The following POLG2 variants were observed in gnomAD, a reference collection of about 807,000 sequenced individuals.
POLG2 encodes DNA polymerase subunit gamma-2.
In POLG2, 50 loss-of-function variants were observed where a neutral mutation model predicts 56.5. The ratio of observed to expected loss-of-function variants is 0.88; its 90% CI spans 0.71 to 1.12. The LOEUF is 1.12. POLG2 is among the 50% of genes most tolerant of loss of function. POLG2 has a pLI of 0.00. For synonymous variants in POLG2, 226 were observed against 222.6 expected (o/e 1.02, Z -0.14); for missense variants, 584 against 583.3 (o/e 1.00, Z -0.01).
chr17:64,493,782 G>A (rs1441045933), intron 1 of POLG2, among the ~76,000 whole-genome samples: 7 of 152,166 alleles, frequency 4.6e-5, no homozygotes, highest in Middle Eastern at 3.4e-3. Context: ...CACCGCGCCC[G>A]ACAAAGATTT....
chr17:64,482,911 T>A lies in POLG2; in HGVS notation c.1191+8A>T, dbSNP rs1598121901. The A allele has an allele frequency of 6.8e-7, 1 of 1,476,582 alleles. No homozygotes were observed. Among genetic ancestry groups the A allele is most frequent in the Non-Finnish European group, 9.5e-7 (1 of 1,055,676 alleles). 91.5% of individuals were successfully genotyped at this position (1,476,582 alleles called of 1,614,324 possible). A position where few individuals can be genotyped will look rare whatever the true frequency, so the allele number is the denominator to read the frequency against. Reference sequence around the variant, plus strand: ...AATTAAAATGACATTTAAACTCATTTAACTCACCTGTCTTAGTTCCAATGT... The same window carrying A: ...AATTAAAATGACATTTAAACTCATTAAACTCACCTGTCTTAGTTCCAATGT... On this transcript the variant is annotated splice_region_variant and intron_variant, in intron 6 of 7. Coordinates refer to ENST00000539111, the MANE Select transcript of POLG2 (RefSeq NM_007215.4).
At chr17:64,493,757 AT>A (rs547261048) in intron 1 of POLG2, among the ~76,000 whole-genome samples, 35 of 152,316 alleles carry the variant, frequency 2.3e-4, no homozygotes, top group African/African-American at 8.2e-4. Context: ...AAGTGCTGGG[AT>A]TACAGGCGTG....
At chr17:64,494,321 G>A (rs550645305) in intron 1 of POLG2, among the ~76,000 whole-genome samples, 1 of 152,220 alleles carries the variant, frequency 6.6e-6, no homozygotes, top group East Asian at 1.9e-4. Flanking sequence ...CATAACATGA[G>A]GAACATGTTA....
intron 3 of POLG2, among the ~76,000 whole-genome samples, chr17:64,492,074 A>C (rs2038070827): frequency 6.6e-6 from 1 of 152,204 alleles, no homozygotes; most frequent in Non-Finnish European, 1.5e-5. Context: ...CCAGACTTTT[A>C]TGGCCAATGA....
At position 64,477,933 on chromosome 17, in the gene POLG2, T is replaced by G. The variant is rs1325161119; in HGVS notation, c.1348A>C (p.Asn450His). 3 of 1,613,894 alleles carry G rather than the reference T, an allele frequency of 1.9e-6. No individual in the cohort carries two copies. The highest frequency in any genetic ancestry group is 2.5e-6 in the Non-Finnish European group (3 of 1,179,978). The change falls in exon 8 of 8, where the codon AAT (asparagine) becomes CAT (histidine). Residue 450 changes from asparagine (N) to histidine (H), a missense_variant. Physicochemically the swap from Asn to His is moderately conservative, Grantham distance 68. Transcript: ENST00000539111. Reference protein sequence around the residue: ...TVLVTETTLENGLIHLRSRDT... With the variant: ...TVLVTETTLEHGLIHLRSRDT... The stretch of plus-strand genomic sequence containing the variant: ...CTGCTTCTCAGATGTATTAATCCAT[T>G]CTCCAAAGTAGTTTCAGTAACCAAA...
In POLG2 at chr17:64,496,638, C is replaced by T; in HGVS notation, c.331G>A (p.Ala111Thr). 8 of 1,614,010 alleles carry T rather than the reference C, an allele frequency of 5.0e-6. No individual in the cohort carries two copies. Among genetic ancestry groups the T allele is most frequent in the Non-Finnish European group, 5.9e-6 (7 of 1,179,984 alleles). The change falls in exon 1 of 8, where the codon GCC (alanine) becomes ACC (threonine). Residue 111 changes from alanine to threonine, a missense_variant. Ala to Thr is a moderately conservative substitution (Grantham distance 58). Coordinates refer to ENST00000539111, the MANE Select transcript of POLG2 (RefSeq NM_007215.4). ...PLGVELRKNL[A>T]AEWWTSVVVF... ...ACCACCGAGGTCCACCATTCTGCGG[C>T]CAGGTTCTTCCGCAACTCTACGCCC...
intron 6 of POLG2, 59 bp from the exon 7 acceptor site, chr17:64,480,448 T>C (rs949878605): frequency 1.2e-6 from 1 of 842,250 alleles, no homozygotes; most frequent in Non-Finnish European, 2.0e-6. Context: ...AGAGTGATTA[T>C]TCTATTTTTG....
In POLG2 at chr17:64,477,815, A is replaced by G; in HGVS notation, c.*8T>C. Reference sequence around the variant, plus strand: ...AGAGAAGAATATTTATTATACAAATATAAAAATCTATACATTCTTAGCTGA... The same window carrying G: ...AGAGAAGAATATTTATTATACAAATGTAAAAATCTATACATTCTTAGCTGA... On this transcript the variant is annotated 3_prime_UTR_variant, in exon 8 of 8. Coordinates refer to ENST00000539111, the MANE Select transcript of POLG2 (RefSeq NM_007215.4). 1 of 1,561,118 alleles carries G rather than the reference A, an allele frequency of 6.4e-7. No homozygotes were observed. The highest frequency in any genetic ancestry group is 8.6e-7 in the Non-Finnish European group (1 of 1,156,852).
intron 4 of POLG2, among the ~76,000 whole-genome samples, chr17:64,489,018 TTTTC>T (rs1457046990): frequency 6.6e-6 from 1 of 151,024 alleles, no homozygotes; most frequent in Non-Finnish European, 1.5e-5. Flanking sequence ...GCTATATATT[TTTTC>T]TTTTTCTTTT....
At chr17:64,491,471 C>T (rs1342465203) in intron 3 of POLG2, 79 of 1,123,964 alleles carry the variant, frequency 7.0e-5, no homozygotes, top group Middle Eastern at 3.1e-4. Flanking sequence ...GATTGTGCAA[C>T]GGCAGTCCAG....
At chr17:64,489,271 A>G (rs183279799) in intron 4 of POLG2, among the ~76,000 whole-genome samples, 91 of 151,792 alleles carry the variant, frequency 6.0e-4, no homozygotes, top group Non-Finnish European at 9.9e-4. Flanking sequence ...GTGAAATACC[A>G]ATTTAAAAAA....
intron 5 of POLG2, among the ~76,000 whole-genome samples, chr17:64,483,419 G>T (rs1258279852): frequency 2.0e-5 from 3 of 151,926 alleles, no homozygotes; most frequent in Non-Finnish European, 4.4e-5. Context: ...GGCGGCTGAG[G>T]TGGGAAGAAT....
chr17:64,483,996 T>C (rs1555667026), intron 5 of POLG2: 1 of 152,332 alleles, frequency 6.6e-6, no homozygotes, highest in African/African-American at 2.4e-5. Flanking sequence ...ATTATAGGCG[T>C]GAGCCATTCA....
Position 64,496,684 on chromosome 17 carries a change from GCACCC to G in POLG2, c.280_284del (p.Gly94ProfsTer69). The G allele has an allele frequency of 6.2e-7, 1 of 1,613,962 alleles. No individual in the cohort carries two copies. Among genetic ancestry groups the G allele is most frequent in the Non-Finnish European group, 8.5e-7 (1 of 1,179,984 alleles). Reference sequence around the variant, plus strand: ...CGCCCAAGGGTCCGAAGCCGGGGTGGCACCCACTCAGAAGAGAATCCCGGCTAAGC... The same window carrying G: ...CGCCCAAGGGTCCGAAGCCGGGGTGGACTCAGAAGAGAATCCCGGCTAAGC... On this transcript the variant is annotated frameshift_variant, in exon 1 of 8. Coordinates refer to ENST00000539111, the MANE Select transcript of POLG2 (RefSeq NM_007215.4). LOFTEE classifies it high-confidence loss of function.
chr17:64,491,675 C>G, intron 3 of POLG2: 1 of 1,241,200 alleles, frequency 8.1e-7, no homozygotes, highest in South Asian at 1.2e-5. Flanking sequence ...AGTACATCAA[C>G]GTGAAGAAGG....
chr17:64,496,923 AC>A lies in POLG2; in HGVS notation c.45del (p.Arg15SerfsTer11). Reference sequence around the variant, plus strand: ...CGACCCCCAAACCCAGACAACAGGCACCTGCAGACCTTATGGCAGGCCCTGA... The same window carrying A: ...CGACCCCCAAACCCAGACAACAGGCACTGCAGACCTTATGGCAGGCCCTGA... The part of the protein sequence containing the change: ...VAVRACHKVC[R>X]CLLSGFGGRV... On this transcript the variant is annotated frameshift_variant, in exon 1 of 8. Transcript: ENST00000539111. LOFTEE classifies it high-confidence loss of function. 1 of 1,611,750 alleles carries A rather than the reference AC, an allele frequency of 6.2e-7. No individual in the cohort carries two copies. The highest frequency in any genetic ancestry group is 1.1e-5 in the South Asian group (1 of 91,070).
chr17:64,485,583 T>C, intron 5 of POLG2, 145 bp downstream of exon 5: 2 of 703,696 alleles, frequency 2.8e-6, no homozygotes, highest in Non-Finnish European at 4.9e-6. Flanking sequence ...TGTGGCCAGA[T>C]TCTAAAAAAA....
rs1320907116 is a variant in POLG2, at chr17:64,478,703, C to T, written c.1293-715G>A. Among the ~76,000 whole-genome samples, 4 of 151,988 alleles carry T rather than the reference C, an allele frequency of 2.6e-5. No individual in the cohort carries two copies. In the East Asian group the frequency reaches 7.7e-4, roughly 29 times the overall value. On this transcript the variant is annotated intron_variant, in intron 7 of 7. Transcript: ENST00000539111. ...ATGAGGTCAGGAGTTCGAGACCAGC[C>T]TGGCCAACATAGTGAAACCCCATCT...
Position 64,496,549 on chromosome 17 carries a change from G to C in POLG2, c.420C>G (p.Pro140=). The C allele has an allele frequency of 6.2e-7, 1 of 1,613,850 alleles. No homozygotes were observed. Among genetic ancestry groups the C allele is most frequent in the South Asian group, 1.1e-5 (1 of 91,054 alleles). ...ALHHKPGPLL[P]GDSAFRLVSA... ...AAACTAACCTGAAGGCACTGTCCCC[G>C]GGTAGCAAAGGGCCTGGTTTGTGGT... Residue 140 remains proline, a synonymous_variant, in exon 1 of 8, where the codon CCC becomes CCG. Transcript: ENST00000539111.
Sources: allele counts gnomAD v4.1 joint callset (sites outside exome capture counted in the v4.1 genomes callset), GRCh38; gene constraint gnomAD v4.1.1; transcripts MANE v1.5; gene names NCBI Gene and HGNC (gene_info 2026-07-23, HGNC 2026-07-21).